The following VWA7 variants were observed in gnomAD, a reference collection of about 807,000 sequenced individuals.
The protein encoded by VWA7 is von Willebrand factor A domain-containing protein 7.
Under a neutral mutation model 83.1 loss-of-function variants are expected in VWA7, and 66 were observed. The ratio of observed to expected loss-of-function variants is 0.79; its 90% CI spans 0.65 to 0.98. The LOEUF (loss-of-function observed/expected upper bound fraction) is 0.98. Ranked by LOEUF, VWA7 falls within the 50% of genes least tolerant of loss-of-function variation. The pLI is 0.00. For missense variants in VWA7, 1,080 were observed against 1,160.2 expected (o/e 0.93, Z 1.00); for synonymous variants, 424 against 488.5 (o/e 0.87, Z 1.74).
At position 31,775,221 on chromosome 6, in the gene VWA7, G is replaced by C. The variant is rs932546054; in HGVS notation, c.610+112C>G. 3 of 934,382 alleles carry C rather than the reference G, an allele frequency of 3.2e-6. No individual in the cohort carries two copies. The African/African-American group carries it at 5.1e-5, about 16-fold the overall frequency. 57.9% of individuals were successfully genotyped at this position (934,382 alleles called of 1,614,324 possible). On this transcript the variant is annotated intron_variant, in intron 4 of 16. Transcript: ENST00000375688. This position sits in a 1 kb window ranked among gnomAD's most constrained non-coding sequence, Gnocchi z 5.9. ...CTTGGACTGGGGGACCTCAGTCCTT[G>C]TGGAGATTAAGTAACATCATACCCT...
In VWA7 at chr6:31,773,550, C is replaced by A. The variant is rs568454389; in HGVS notation, c.722-113G>T. On this transcript the variant is annotated intron_variant, in intron 5 of 16. Coordinates refer to ENST00000375688, the MANE Select transcript of VWA7 (RefSeq NM_025258.3). The surrounding 1 kb of genome is among the most constrained non-coding windows in gnomAD (Gnocchi z 5.3). ...CTCTCACCCCTCAGCAAGGGTTCAG[C>A]AAGAAATGATGACGGGGTTGGCGCG... 1.6e-5 allele frequency: 18 copies of A among 1,131,590 alleles called. No individual in the cohort carries two copies. The highest frequency in any genetic ancestry group is 1.3e-4 in the African/African-American group (8 of 63,600). 70.1% of individuals were successfully genotyped at this position (1,131,590 alleles called of 1,614,324 possible).
chr6:31,773,875 C>T lies in VWA7; in HGVS notation c.722-438G>A, dbSNP rs547099415. Among the ~76,000 whole-genome samples, 1 of 149,746 alleles carries T rather than the reference C, an allele frequency of 6.7e-6. No individual in the cohort carries two copies. Among genetic ancestry groups the T allele is most frequent in the South Asian group, 2.1e-4 (1 of 4,722 alleles). On this transcript the variant is annotated intron_variant, in intron 5 of 16. Transcript: ENST00000375688. This position sits in a 1 kb window ranked among gnomAD's most constrained non-coding sequence, Gnocchi z 5.3. ...AAATAAATAAATAAATAAATGATGG[C>T]TGGGCACGGTGGCTCACACCAGTAA...
chr6:31,776,336 T>G lies in VWA7; in HGVS notation c.235-94A>C. 134 of 1,508,648 alleles carry G rather than the reference T, an allele frequency of 8.9e-5. No homozygotes were observed. Among genetic ancestry groups the G allele is most frequent in the Non-Finnish European group, 1.1e-4 (127 of 1,120,658 alleles). The allele number at this position is 1,508,648 out of a possible 1,614,324, so 93.5% of individuals were successfully genotyped here. A position where few individuals can be genotyped will look rare whatever the true frequency, so the allele number is the denominator to read the frequency against. On this transcript the variant is annotated intron_variant, in intron 2 of 16. Coordinates refer to ENST00000375688, the MANE Select transcript of VWA7 (RefSeq NM_025258.3). This position sits in a 1 kb window ranked among gnomAD's most constrained non-coding sequence, Gnocchi z 6.2. ...AGCAACTGACACTCAAGGCTGGGTA[T>G]GAGGGTCCTGAGCCCCACAAAGGAG...
chr6:31,773,202 G>C lies in VWA7; in HGVS notation c.917+40C>G, dbSNP rs367744626. ...CTGGTTTCTCCCTTCCCGCAGGAGC[G>C]CCTCCCCATGAAGGGGTCCATCCCC... On this transcript the variant is annotated intron_variant, in intron 6 of 16. Transcript: ENST00000375688. The surrounding 1 kb of genome is among the most constrained non-coding windows in gnomAD (Gnocchi z 5.3). The C allele has an allele frequency of 6.3e-7, 1 of 1,589,714 alleles. No homozygotes were observed.
intron 7 of VWA7, among the ~76,000 whole-genome samples, chr6:31,772,685 T>A (rs1812312858): frequency 7.4e-6 from 1 of 135,652 alleles, no homozygotes; most frequent in African/African-American, 2.7e-5. Flanking sequence ...CCGCAACCTC[T>A]GCCTCCTGGG....
At chr6:31,767,060 T>C (rs988710268) in intron 13 of VWA7, 98 bp downstream of exon 13, 12 of 361,044 alleles carry the variant, frequency 3.3e-5, no homozygotes, top group Non-Finnish European at 6.0e-5. Flanking sequence ...TATACATATA[T>C]ACATTATATA....
rs773386909 is a variant in VWA7 at position 31,769,732 on chromosome 6, G to T, written c.1260C>A (p.Pro420=). The T allele has an allele frequency of 5.0e-6, 8 of 1,613,086 alleles. No homozygotes were observed. The highest frequency in any genetic ancestry group is 1.1e-5 in the South Asian group (1 of 91,084). The part of the protein sequence containing the change: ...SDIFVFTDAS[P]KDAFLTNQVE... The stretch of plus-strand genomic sequence containing the variant: ...CCTGGTTGGTGAGAAAGGCATCCTT[G>T]GGGGAGGCATCCGTGAAGACAAAGA... The change falls in exon 9 of 17, where the codon CCC becomes CCA. Residue 420 remains proline (P), a synonymous_variant. Coordinates refer to ENST00000375688, the MANE Select transcript of VWA7 (RefSeq NM_025258.3). This position sits in a 1 kb window ranked among gnomAD's most constrained non-coding sequence, Gnocchi z 4.5.
At position 31,773,239 on chromosome 6, in the gene VWA7, C is replaced by A; in HGVS notation, c.917+3G>T. ...AGGGGTCCATCCCCAGGAGGCCACTCACCTGGAGAAATCCCTGTCTCCCAG... is the reference window on the plus strand; with the variant it reads ...AGGGGTCCATCCCCAGGAGGCCACTAACCTGGAGAAATCCCTGTCTCCCAG... On this transcript the variant is annotated splice_donor_region_variant and intron_variant, in intron 6 of 16. Coordinates refer to ENST00000375688, the MANE Select transcript of VWA7 (RefSeq NM_025258.3). This position sits in a 1 kb window ranked among gnomAD's most constrained non-coding sequence, Gnocchi z 5.3. 1 of 1,600,596 alleles carries A rather than the reference C, an allele frequency of 6.2e-7. No individual in the cohort carries two copies. The highest frequency in any genetic ancestry group is 1.3e-5 in the African/African-American group (1 of 74,918).
chr6:31,775,948 C>A lies in VWA7; in HGVS notation c.513+16G>T. 1.3e-6 allele frequency: 2 copies of A among 1,598,712 alleles called. No individual in the cohort carries two copies. The highest frequency in any genetic ancestry group is 1.1e-5 in the South Asian group (1 of 89,676). On this transcript the variant is annotated intron_variant, in intron 3 of 16. Coordinates refer to ENST00000375688, the MANE Select transcript of VWA7 (RefSeq NM_025258.3). The surrounding 1 kb of genome is among the most constrained non-coding windows in gnomAD (Gnocchi z 5.9). ...AGTGAAGACCCCTCTGACCATCAAC[C>A]CAACCCTGTTCTCACCTGCAGGGCA...
Position 31,776,845 on chromosome 6 carries a change from G to T in VWA7, c.-15-51C>A. 2 of 1,120,464 alleles carry T rather than the reference G, an allele frequency of 1.8e-6. No individual in the cohort carries two copies. The highest frequency in any genetic ancestry group is 2.4e-6 in the Non-Finnish European group (2 of 830,658). The allele number at this position is 1,120,464 out of a possible 1,614,324, so 69.4% of individuals were successfully genotyped here. On this transcript the variant is annotated intron_variant, in intron 1 of 16. Transcript: ENST00000375688. The surrounding 1 kb of genome is among the most constrained non-coding windows in gnomAD (Gnocchi z 6.2). The stretch of plus-strand genomic sequence containing the variant: ...AGGAGGAAGCAGCCGCGATTCCAGG[G>T]CAGGCCGGCTCTGCGGGTCTCCATG...
chr6:31,771,490 C>T (rs1040414149), intron 7 of VWA7: 15 of 152,352 alleles, frequency 9.8e-5, no homozygotes, highest in African/African-American at 3.4e-4. Context: ...GATGTGATAA[C>T]TGATACCCAT....
Position 31,767,197 on chromosome 6 carries a change from G to A in VWA7, c.1843C>T (p.Pro615Ser), listed in dbSNP as rs772979240. The change falls in exon 13 of 17, where the codon CCC becomes TCC. Residue 615 changes from proline to serine, a missense_variant. Pro to Ser is a moderately conservative substitution (Grantham distance 74). Transcript: ENST00000375688. ...FHFGIPMEDG[P>S]HPGLYPLTQP... ...GTCAGGGGGTAGAGGCCAGGGTGGG[G>A]TCCATCCTCCATGGGGATCCCAAAG... The A allele has an allele frequency of 1.9e-6, 3 of 1,595,534 alleles. No individual in the cohort carries two copies. Among genetic ancestry groups the A allele is most frequent in the South Asian group, 2.3e-5 (2 of 87,410 alleles).
At chr6:31,774,072 T>G (rs1812456106) in intron 5 of VWA7, among the ~76,000 whole-genome samples, 1 of 145,736 alleles carries the variant, frequency 6.9e-6, no homozygotes, top group South Asian at 2.1e-4. Flanking sequence ...GAGAATCGCT[T>G]GAACCTGGGA....
chr6:31,769,073 T>C lies in VWA7; in HGVS notation c.1448A>G (p.Lys483Arg), dbSNP rs1180068551. ...LASGGEVIFT[K>R]DQHIRDVAAI... ...TGCCACGTCTCGAATGTGCTGGTCT[T>C]TGGTGAAGATCACCTCTCCTCCTGA... is the stretch of plus-strand genomic sequence containing the variant. The change falls in exon 10 of 17, where the codon AAA (lysine) becomes AGA (arginine). Residue 483 changes from lysine (K) to arginine (R), a missense_variant. Coordinates refer to ENST00000375688, the MANE Select transcript of VWA7 (RefSeq NM_025258.3). The surrounding 1 kb of genome is among the most constrained non-coding windows in gnomAD (Gnocchi z 4.5). The C allele has an allele frequency of 1.2e-6, 2 of 1,612,976 alleles. No individual in the cohort carries two copies. Among genetic ancestry groups the C allele is most frequent in the Non-Finnish European group, 1.7e-6 (2 of 1,180,032 alleles).
Position 31,776,536 on chromosome 6 carries a change from G to A in VWA7, c.234+10C>T, listed in dbSNP as rs991115397. On this transcript the variant is annotated intron_variant, in intron 2 of 16. Transcript: ENST00000375688. The surrounding 1 kb of genome is among the most constrained non-coding windows in gnomAD (Gnocchi z 6.2). Reference sequence around the variant, plus strand: ...CTGGCAGGGGTGTGACAGGACCCTGGGATGCTCACCAGGAAGTCCTCAAGA... The same window carrying A: ...CTGGCAGGGGTGTGACAGGACCCTGAGATGCTCACCAGGAAGTCCTCAAGA... The A allele has an allele frequency of 1.7e-5, 26 of 1,542,322 alleles. No homozygotes were observed. The Admixed American group carries it at 3.6e-4, about 21-fold the overall frequency.
Position 31,776,105 on chromosome 6 carries a change from G to A in VWA7, c.372C>T (p.Pro124=), listed in dbSNP as rs35577589. ...GTCGCTCAGCATCAAAGTGCAGGTCGGGGTCATTCCTGGAAGTTGGCAGGA... is the reference window on the plus strand; with the variant it reads ...GTCGCTCAGCATCAAAGTGCAGGTCAGGGTCATTCCTGGAAGTTGGCAGGA... ...QDFLPTSRND[P]DLHFDAERLG... Residue 124 remains proline, a synonymous_variant, in exon 3 of 17, where the codon CCC becomes CCT. Transcript: ENST00000375688. This position sits in a 1 kb window ranked among gnomAD's most constrained non-coding sequence, Gnocchi z 6.2. 1,919 of 1,613,998 alleles carry A rather than the reference G, an allele frequency of 1.2e-3. 22 individuals are homozygous for A. The African/African-American group carries it at 0.023, about 20-fold the overall frequency.
chr6:31,768,192 G>A (rs1018281368), intron 10 of VWA7, among the ~76,000 whole-genome samples: 13 of 150,178 alleles, frequency 8.7e-5, no homozygotes, highest in African/African-American at 2.2e-4. Flanking sequence ...AAGAAACCAC[G>A]TCAAACAGGC....
At position 31,765,757 on chromosome 6, in the gene VWA7, G is replaced by T. The variant is rs925768198; in HGVS notation, c.2513C>A (p.Thr838Asn). 2 of 1,587,568 alleles carry T rather than the reference G, an allele frequency of 1.3e-6. No homozygotes were observed. Among genetic ancestry groups the T allele is most frequent in the Non-Finnish European group, 1.7e-6 (2 of 1,166,108 alleles). The stretch of plus-strand genomic sequence containing the variant: ...GATCGGGTCAGATGAGCCGGTAGGG[G>T]TGGTGTGCCGGTCCTGTGGGGAAAA... ...SAPAPQDRHT[T>N]PTGSSDPILT... The change falls in exon 17 of 17, where the codon ACC becomes AAC. Residue 838 changes from threonine to asparagine, a missense_variant. Coordinates refer to ENST00000375688, the MANE Select transcript of VWA7 (RefSeq NM_025258.3).
Position 31,777,107 on chromosome 6 carries a change from A to G in VWA7, c.-16+2T>C, listed in dbSNP as rs977455986. On this transcript the variant is annotated splice_donor_variant, in intron 1 of 16. Coordinates refer to ENST00000375688, the MANE Select transcript of VWA7 (RefSeq NM_025258.3). LOFTEE classifies it low-confidence loss of function (5UTR_SPLICE). This position sits in a 1 kb window ranked among gnomAD's most constrained non-coding sequence, Gnocchi z 5.8. ...CCTGAGTCCTCTCAGGCCCTCCCCT[A>G]CCTGGTTGCTGGGTCTCCTGGGCAG... 9 of 374,092 alleles carry G rather than the reference A, an allele frequency of 2.4e-5. No homozygotes were observed. The highest frequency in any genetic ancestry group is 3.8e-5 in the Non-Finnish European group (8 of 208,768). 23.2% of individuals were successfully genotyped at this position (374,092 alleles called of 1,614,324 possible).
Sources: allele counts gnomAD v4.1 joint callset (sites outside exome capture counted in the v4.1 genomes callset), GRCh38; gene constraint gnomAD v4.1.1; non-coding constraint Gnocchi (gnomAD v3.1); transcripts MANE v1.5; gene names NCBI Gene and HGNC (gene_info 2026-07-23, HGNC 2026-07-21).